Variants in ZMAT4 observed in about 807,000 individuals in gnomAD.
ZMAT4 encodes the protein zinc finger matrin-type 4.
ZMAT4 carries 17 observed loss-of-function variants against 28.7 expected under a neutral mutation model. The ratio of observed to expected loss-of-function variants is 0.59; its 90% confidence interval spans 0.41 to 0.89. The LOEUF (loss-of-function observed/expected upper bound fraction) is 0.89. Among genes scored for constraint, ZMAT4 ranks in the 40% least tolerant of loss-of-function variants. ZMAT4 has a pLI of 0.00. For missense variants in ZMAT4, 240 were observed against 283.8 expected (o/e 0.85, Z 1.11); for synonymous variants, 117 against 109.2 (o/e 1.07, Z -0.44).
chr8:40,534,666 A>C (rs1263784599), intron 6 of ZMAT4, among the ~76,000 whole-genome samples: 2 of 146,930 alleles, frequency 1.4e-5, no homozygotes, highest in Non-Finnish European at 3.0e-5. Context: ...TCACATTTGC[A>C]CATTTGCTAC....
intron 2 of ZMAT4, among the ~76,000 whole-genome samples, chr8:40,771,715 G>C (rs1813396105): frequency 6.6e-6 from 1 of 152,168 alleles, no homozygotes; most frequent in African/African-American, 2.4e-5. Context: ...ACATATGCCA[G>C]GGTACATAAG....
At chr8:40,881,483 GAAAGAAAGAAAGAAAGAGGA>G (rs1818239345) in intron 1 of ZMAT4, among the ~76,000 whole-genome samples, 2 of 136,270 alleles carry the variant, frequency 1.5e-5, no homozygotes, top group Admixed American at 7.6e-5. Context: ...AAGAAAGAAA[GAAAGAAAGAAAGAAAGAGGA>G]AGGAAGGAAG....
intron 1 of ZMAT4, among the ~76,000 whole-genome samples, chr8:40,838,787 T>C (rs1816592925): frequency 6.6e-6 from 1 of 151,760 alleles, no homozygotes; most frequent in South Asian, 2.1e-4. Flanking sequence ...AACAGTTAGG[T>C]GGACAGTGAA....
At chr8:40,614,548 G>A (rs923180285) in intron 5 of ZMAT4, among the ~76,000 whole-genome samples, 3 of 152,106 alleles carry the variant, frequency 2.0e-5, no homozygotes, top group African/African-American at 7.2e-5. Flanking sequence ...CATTATTATT[G>A]TGTGGGAGTC....
intron 5 of ZMAT4, among the ~76,000 whole-genome samples, chr8:40,625,621 G>GT (rs912551503): frequency 2.6e-5 from 4 of 152,136 alleles, no homozygotes; most frequent in Admixed American, 2.6e-4. Context: ...TGCGGATGTG[G>GT]TACCATTTAC....
intron 1 of ZMAT4, among the ~76,000 whole-genome samples, chr8:40,888,916 A>C (rs1333008666): frequency 6.6e-6 from 1 of 152,194 alleles, no homozygotes; most frequent in African/African-American, 2.4e-5. Context: ...GGGTGGCTTC[A>C]CACCTTCTTG....
chr8:40,686,966 T>C (rs1415765880), intron 4 of ZMAT4, among the ~76,000 whole-genome samples: 1 of 151,908 alleles, frequency 6.6e-6, no homozygotes, highest in Non-Finnish European at 1.5e-5. Context: ...GTGAAGAACA[T>C]GAGGCGGGAA....
chr8:40,649,231 T>G (rs939019674), intron 5 of ZMAT4, among the ~76,000 whole-genome samples: 22 of 152,116 alleles, frequency 1.4e-4, no homozygotes, highest in Admixed American at 1.2e-3. Flanking sequence ...TGGAGGAAGA[T>G]CTACCAAGCA....
chr8:40,882,079 C>T (rs1363206617), intron 1 of ZMAT4, among the ~76,000 whole-genome samples: 2 of 152,136 alleles, frequency 1.3e-5, no homozygotes. Context: ...AAATCACCTG[C>T]TTGTCCAGGA....
intron 5 of ZMAT4, among the ~76,000 whole-genome samples, chr8:40,648,020 T>A (rs1053772773): frequency 6.6e-6 from 1 of 152,124 alleles, no homozygotes; most frequent in Non-Finnish European, 1.5e-5. Context: ...AGAGTGCCTC[T>A]CCTCCGCCAA....
chr8:40,832,737 G>T (rs1394073302), intron 1 of ZMAT4, among the ~76,000 whole-genome samples: 4 of 152,188 alleles, frequency 2.6e-5, no homozygotes, highest in Non-Finnish European at 5.9e-5. Flanking sequence ...ACAGACAGGA[G>T]GCCTTCCGCT....
chr8:40,661,688 C>G (rs1229459788), intron 5 of ZMAT4, among the ~76,000 whole-genome samples: 2 of 152,186 alleles, frequency 1.3e-5, no homozygotes, highest in Non-Finnish European at 2.9e-5. Context: ...TCACAAGGAT[C>G]TCTTGTTTTG....
In ZMAT4 at chr8:40,631,766, C is replaced by T. The variant is rs371736130; in HGVS notation, c.577+42938G>A. 1.1e-4 allele frequency among the ~76,000 whole-genome samples: 16 copies of T among 152,298 alleles called. No homozygotes were observed. The East Asian group carries it at 2.3e-3, about 22-fold the overall frequency. On this transcript the variant is annotated intron_variant, in intron 5 of 6. Coordinates refer to ENST00000297737, the MANE Select transcript of ZMAT4 (RefSeq NM_024645.3). ...AGTTAGGCATTTAGAGAGAGTTTTA[C>T]GCTCTTAAGCCATTGGATGGGAAAC...
intron 1 of ZMAT4, among the ~76,000 whole-genome samples, chr8:40,890,786 A>T (rs1353832686): frequency 6.6e-6 from 1 of 151,926 alleles, no homozygotes; most frequent in Non-Finnish European, 1.5e-5. Flanking sequence ...ATTCAGCAAC[A>T]TCCACATCTC....
At chr8:40,624,242 A>G (rs528504441) in intron 5 of ZMAT4, among the ~76,000 whole-genome samples, 1 of 152,346 alleles carries the variant, frequency 6.6e-6, no homozygotes, top group South Asian at 2.1e-4. Flanking sequence ...TGGTGGCCCT[A>G]TAAGATGACA....
intron 2 of ZMAT4, among the ~76,000 whole-genome samples, chr8:40,798,915 T>TC (rs963184119): frequency 1.2e-4 from 18 of 151,786 alleles, no homozygotes; most frequent in Admixed American, 3.9e-4. Flanking sequence ...AAGGGGCTTT[T>TC]TTCAGGCCAG....
chr8:40,589,693 G>A (rs1804786989), intron 5 of ZMAT4, among the ~76,000 whole-genome samples: 1 of 135,042 alleles, frequency 7.4e-6, no homozygotes, highest in Non-Finnish European at 1.6e-5. Flanking sequence ...CTTACACTTA[G>A]AGACCTTCCT....
At chr8:40,534,955 T>C (rs1802801016) in intron 6 of ZMAT4, among the ~76,000 whole-genome samples, 1 of 152,120 alleles carries the variant, frequency 6.6e-6, no homozygotes, top group Non-Finnish European at 1.5e-5. Flanking sequence ...AGCGCTGGGA[T>C]TACAGGTGTG....
chr8:40,563,943 A>T (rs1462025924), intron 6 of ZMAT4, among the ~76,000 whole-genome samples: 1 of 152,128 alleles, frequency 6.6e-6, no homozygotes, highest in Non-Finnish European at 1.5e-5. Flanking sequence ...CTACAGGGGA[A>T]ACCAATGAGT....
Sources: allele counts gnomAD v4.1 joint callset (sites outside exome capture counted in the v4.1 genomes callset), GRCh38; gene constraint gnomAD v4.1.1; transcripts MANE v1.5; gene names NCBI Gene and HGNC (gene_info 2026-07-23, HGNC 2026-07-21).